PIBF1: variants seen among roughly 807,000 people sequenced by gnomAD.
The protein encoded by PIBF1 is progesterone immunomodulatory binding factor 1, also known as progesterone-induced-blocking factor 1.
In PIBF1, 90 loss-of-function variants were observed where a neutral mutation model predicts 112.5. The observed-to-expected ratio is 0.80, with a 90% CI of 0.67 to 0.95. The LOEUF (loss-of-function observed/expected upper bound fraction) is 0.95, where lower values mean the gene tolerates loss of function less well. Among genes scored for constraint, PIBF1 ranks in the 40% least tolerant of loss-of-function variants. PIBF1 has a pLI of 0.00. For synonymous variants in PIBF1, 301 were observed against 288.6 expected (o/e 1.04, Z -0.44); for missense variants, 915 against 852.3 (o/e 1.07, Z -0.92).
chr13:72,916,690 C>T (rs1023397192), intron 12 of PIBF1, among the ~76,000 whole-genome samples: 7 of 151,722 alleles, frequency 4.6e-5, no homozygotes, highest in Non-Finnish European at 7.4e-5. Context: ...TAATATTTGT[C>T]CTAATTTAAA....
intron 5 of PIBF1, among the ~76,000 whole-genome samples, chr13:72,809,000 G>A (rs1011237475): frequency 6.6e-6 from 1 of 152,002 alleles, no homozygotes; most frequent in Non-Finnish European, 1.5e-5. Context: ...TACTTAAAAA[G>A]TTTATTCTCT....
intron 2 of PIBF1, among the ~76,000 whole-genome samples, chr13:72,791,924 G>A (rs1031167692): frequency 4.0e-5 from 6 of 151,154 alleles, no homozygotes; most frequent in South Asian, 2.1e-4. Flanking sequence ...GTGAGCCACC[G>A]CACCCAGCTG....
intron 9 of PIBF1, among the ~76,000 whole-genome samples, chr13:72,847,011 G>T (rs185318229): frequency 6.6e-6 from 1 of 152,262 alleles, no homozygotes. Context: ...TAATGGATTT[G>T]ATCAGGACTG....
chr13:72,852,362 C>T (rs9543144), intron 9 of PIBF1, among the ~76,000 whole-genome samples: 15,885 of 152,266 alleles, frequency 0.1, 1,135 homozygotes, highest in Non-Finnish European at 0.16. Context: ...TCACAGGAAG[C>T]CTGGAGCCGC....
At chr13:72,808,560 CTCTG>C (rs1375622797) in intron 5 of PIBF1, among the ~76,000 whole-genome samples, 1 of 152,192 alleles carries the variant, frequency 6.6e-6, no homozygotes, top group East Asian at 1.9e-4. Flanking sequence ...AAACAGCATA[CTCTG>C]TCTATTGGGC....
At chr13:72,894,015 A>T in intron 11 of PIBF1, 66 bp downstream of exon 11, 2 of 382,532 alleles carry the variant, frequency 5.2e-6, no homozygotes. Context: ...CAAGATTTAT[A>T]TTGAGCTTTA....
intron 10 of PIBF1, among the ~76,000 whole-genome samples, chr13:72,882,493 A>G (rs2039683228): frequency 6.6e-6 from 1 of 152,230 alleles, no homozygotes; most frequent in Non-Finnish European, 1.5e-5. Context: ...AACAAAGTGA[A>G]GAGACAACCC....
chr13:72,939,776 T>A (rs2041964283), intron 14 of PIBF1, among the ~76,000 whole-genome samples: 1 of 152,132 alleles, frequency 6.6e-6, no homozygotes, highest in Non-Finnish European at 1.5e-5. Context: ...TTCACCTTTG[T>A]TTTTTAGAAA....
At chr13:72,805,217 A>T (rs1484473594) in intron 5 of PIBF1, among the ~76,000 whole-genome samples, 1 of 152,118 alleles carries the variant, frequency 6.6e-6, no homozygotes, top group East Asian at 1.9e-4. Flanking sequence ...ATCTCGGTTC[A>T]CTGCAAGCTC....
intron 5 of PIBF1, among the ~76,000 whole-genome samples, chr13:72,807,777 C>T (rs117928286): frequency 0.01 from 1,569 of 152,310 alleles, 11 homozygotes; most frequent in Non-Finnish European, 0.017. Context: ...CCAAAATTAG[C>T]ATGTTCAAAA....
chr13:72,859,686 A>G (rs1486930363), intron 10 of PIBF1, among the ~76,000 whole-genome samples: 1 of 152,220 alleles, frequency 6.6e-6, no homozygotes, highest in Non-Finnish European at 1.5e-5. Context: ...CCTATGGTTT[A>G]TAGGTTTATA....
At chr13:72,928,036 T>TATATACATATATAC (rs1555316980) in intron 13 of PIBF1, among the ~76,000 whole-genome samples, 13 of 137,818 alleles carry the variant, frequency 9.4e-5, no homozygotes, top group Non-Finnish European at 1.5e-4. Flanking sequence ...CATATATATA[T>TATATACATATATAC]ATATATATAC....
At chr13:72,864,926 A>C (rs2038859735) in intron 10 of PIBF1, among the ~76,000 whole-genome samples, 1 of 152,178 alleles carries the variant, frequency 6.6e-6, no homozygotes, top group Non-Finnish European at 1.5e-5. Context: ...TTGGCAGGCA[A>C]ATTTAGATGA....
At position 72,797,953 on chromosome 13, in the gene PIBF1, A is replaced by G. The variant is rs113338060; in HGVS notation, c.599A>G (p.Glu200Gly). 4.3e-6 allele frequency: 7 copies of G among 1,609,520 alleles called. No individual in the cohort carries two copies. The African/African-American group carries it at 6.7e-5, about 15-fold the overall frequency. Reference sequence around the variant, plus strand: ...AATCCATTAAGAAAGGAAATCTGTGAACTACAAGTGAAAAAGAATATCCTA... The same window carrying G: ...AATCCATTAAGAAAGGAAATCTGTGGACTACAAGTGAAAAAGAATATCCTA... The part of the protein sequence containing the change: ...LVNPLRKEIC[E>G]LQVKKNILAE... Residue 200 changes from glutamate to glycine, a missense_variant, in exon 5 of 18, where the codon GAA becomes GGA. By Grantham distance (98) the Glu-to-Gly change is moderately conservative. Transcript: ENST00000326291.
At chr13:73,014,074 T>TCCTCC (rs2044312188) in intron 17 of PIBF1, among the ~76,000 whole-genome samples, 1 of 73,238 alleles carries the variant, frequency 1.4e-5, no homozygotes, top group African/African-American at 5.4e-5. Flanking sequence ...CACTCCCCTC[T>TCCTCC]CCTCCCCTCC....
intron 17 of PIBF1, among the ~76,000 whole-genome samples, chr13:73,013,102 C>A (rs1232475676): frequency 6.6e-6 from 1 of 151,418 alleles, no homozygotes; most frequent in Non-Finnish European, 1.5e-5. Flanking sequence ...GAGATCGAGA[C>A]CATCCTGGCT....
chr13:72,996,156 C>A (rs2043660742), intron 16 of PIBF1, among the ~76,000 whole-genome samples: 1 of 81,926 alleles, frequency 1.2e-5, no homozygotes, highest in South Asian at 4.1e-4. Context: ...ATATTAAAGA[C>A]AAAGGGCTAA....
chr13:72,865,290 T>G (rs1185232280), intron 10 of PIBF1, among the ~76,000 whole-genome samples: 1 of 152,220 alleles, frequency 6.6e-6, no homozygotes, highest in Non-Finnish European at 1.5e-5. Context: ...GGCAGTAGTA[T>G]GTTTTCTGTA....
In PIBF1 at chr13:72,855,691, G is replaced by C. The variant is rs7318920; in HGVS notation, c.1322+1536G>C. ...TTTATCTAAAAAAAATAAAGATCATGGTGTAAAAGATCATGGTATGTAAAT... is the reference window on the plus strand; with the variant it reads ...TTTATCTAAAAAAAATAAAGATCATCGTGTAAAAGATCATGGTATGTAAAT... On this transcript the variant is annotated intron_variant, in intron 10 of 17. Coordinates refer to ENST00000326291, the MANE Select transcript of PIBF1 (RefSeq NM_006346.4). 6.9e-3 allele frequency among the ~76,000 whole-genome samples: 1,047 copies of C among 152,086 alleles called. 15 individuals carry two copies. The highest frequency in any genetic ancestry group is 0.024 in the African/African-American group (1,010 of 41,468).
Sources: allele counts gnomAD v4.1 joint callset (sites outside exome capture counted in the v4.1 genomes callset), GRCh38; gene constraint gnomAD v4.1.1; transcripts MANE v1.5; gene names NCBI Gene and HGNC (gene_info 2026-07-23, HGNC 2026-07-21).